SERPINF1: variants seen among roughly 807,000 people sequenced by gnomAD.
SERPINF1 encodes pigment epithelium-derived factor.
In SERPINF1, 29 loss-of-function variants were observed where a neutral mutation model predicts 37.3. That is an observed-to-expected ratio of 0.78 (90% CI 0.58 to 1.06). SERPINF1 has a LOEUF of 1.06. Among genes scored for constraint, SERPINF1 ranks in the 50% least tolerant of loss-of-function variants. The pLI is 0.00. For missense variants in SERPINF1, 553 were observed against 532.2 expected (o/e 1.04, Z -0.38); for synonymous variants, 281 against 227.9 (o/e 1.23, Z -2.10).
At chr17:1,775,226 G>T (rs765674241) in intron 6 of SERPINF1, 26 bp downstream of exon 6, 2 of 1,606,724 alleles carry the variant, frequency 1.2e-6, no homozygotes, top group Non-Finnish European at 1.7e-6. Flanking sequence ...GGCAGGGTGG[G>T]GGGTGGATGG....
chr17:1,773,804 G>A (rs1435447086), intron 5 of SERPINF1, among the ~76,000 whole-genome samples: 2 of 152,164 alleles, frequency 1.3e-5, no homozygotes, highest in Non-Finnish European at 2.9e-5. Context: ...TGTGGGGCCA[G>A]CCCTGTTCAG....
intron 5 of SERPINF1, among the ~76,000 whole-genome samples, chr17:1,773,952 C>CACT (rs1333679174): frequency 6.6e-6 from 1 of 152,202 alleles, no homozygotes; most frequent in Non-Finnish European, 1.5e-5. Flanking sequence ...CTACTTCAAG[C>CACT]ACTGATGTCT....
At chr17:1,766,526 A>T (rs1907376871) in intron 1 of SERPINF1, 1 of 152,112 alleles carries the variant, frequency 6.6e-6, no homozygotes, top group South Asian at 2.1e-4. Context: ...ACTGTACTCC[A>T]GCCTGGGCGA....
Position 1,771,020 on chromosome 17 carries a change from C to A in SERPINF1, c.284-9C>A. On this transcript the variant is annotated splice_polypyrimidine_tract_variant and intron_variant, in intron 3 of 7. Coordinates refer to ENST00000254722, the MANE Select transcript of SERPINF1 (RefSeq NM_002615.7). ...CAGTTATCAACGTCCACATCCTTGT[C>A]TCTGGCAGGAGCGGAGCAGCGAACA... 1 of 1,613,974 alleles carries A rather than the reference C, an allele frequency of 6.2e-7. No homozygotes were observed. Among genetic ancestry groups the A allele is most frequent in the South Asian group, 1.1e-5 (1 of 91,078 alleles).
intron 6 of SERPINF1, among the ~76,000 whole-genome samples, chr17:1,775,997 T>A (rs779243760): frequency 6.6e-6 from 1 of 152,172 alleles, no homozygotes; most frequent in Non-Finnish European, 1.5e-5. Context: ...CACACGTTTC[T>A]GTCAACGATT....
chr17:1,769,527 G>C, intron 2 of SERPINF1: 1 of 434,780 alleles, frequency 2.3e-6, no homozygotes, highest in South Asian at 2.2e-5. Context: ...GGGAGGCTAA[G>C]GCAGGAAAAT....
In SERPINF1 at chr17:1,777,476, A is replaced by G; in HGVS notation, c.*30A>G. ...CCAGTTTAATATTCCAATACCCTAG[A>G]AGAAAACCCGAGGGACAGCAGATTC... is the stretch of plus-strand genomic sequence containing the variant. On this transcript the variant is annotated 3_prime_UTR_variant, in exon 8 of 8. Transcript: ENST00000254722. 1 of 1,613,782 alleles carries G rather than the reference A, an allele frequency of 6.2e-7. No individual in the cohort carries two copies. Among genetic ancestry groups the G allele is most frequent in the Non-Finnish European group, 8.5e-7 (1 of 1,180,018 alleles).
In SERPINF1 at chr17:1,776,613, G is replaced by A. The variant is rs1471120392; in HGVS notation, c.868G>A (p.Glu290Lys). 6.2e-7 allele frequency: 1 copy of A among 1,613,924 alleles called. No individual in the cohort carries two copies. The part of the protein sequence containing the change: ...LKVTQNLTLI[E>K]ESLTSEFIHD... ...AGTGACCCAGAATTTGACCTTGATA[G>A]AGGAGAGCCTCACCTCCGAGTTCAT... is the stretch of plus-strand genomic sequence containing the variant. The change falls in exon 7 of 8, where the codon GAG becomes AAG. Residue 290 changes from glutamate to lysine, a missense_variant. Glu to Lys is a moderately conservative substitution (Grantham distance 56). Coordinates refer to ENST00000254722, the MANE Select transcript of SERPINF1 (RefSeq NM_002615.7).
chr17:1,776,748 T>C lies in SERPINF1; in HGVS notation c.997+6T>C. On this transcript the variant is annotated splice_donor_region_variant and intron_variant, in intron 7 of 7. Transcript: ENST00000254722. ...CAAGTCCCTGCAGGAGATGAGTATG[T>C]CTGAAGACCCTTTCGCTCTTGGTGG... 1 of 1,613,212 alleles carries C rather than the reference T, an allele frequency of 6.2e-7. No homozygotes were observed. The highest frequency in any genetic ancestry group is 8.5e-7 in the Non-Finnish European group (1 of 1,179,746).
intron 1 of SERPINF1, among the ~76,000 whole-genome samples, chr17:1,764,845 CTTT>C (rs11483374): frequency 2.9e-4 from 38 of 132,134 alleles, no homozygotes; most frequent in Middle Eastern, 7.8e-3. Context: ...TTTTTTTTTC[CTTT>C]TTTTTTTTTT....
At chr17:1,771,801 T>G in intron 4 of SERPINF1, 71 bp from the exon 5 acceptor site, 2 of 1,492,628 alleles carry the variant, frequency 1.3e-6, no homozygotes, top group Non-Finnish European at 1.8e-6. Flanking sequence ...AACCCGAGCC[T>G]GGCAGGCTCT....
At chr17:1,772,173 G>C in intron 5 of SERPINF1, 98 bp downstream of exon 5, 1 of 1,301,118 alleles carries the variant, frequency 7.7e-7, no homozygotes. Context: ...CTGGAGTGCA[G>C]TGGTGCGATC....
At chr17:1,768,295 G>A (rs1477235810) in intron 2 of SERPINF1, among the ~76,000 whole-genome samples, 1 of 151,830 alleles carries the variant, frequency 6.6e-6, no homozygotes, top group Non-Finnish European at 1.5e-5. Context: ...GCTGGGTGTG[G>A]TGGGGGGCGC....
At chr17:1,764,380 C>G (rs12450371) in intron 1 of SERPINF1, among the ~76,000 whole-genome samples, 1 of 152,030 alleles carries the variant, frequency 6.6e-6, no homozygotes, top group Non-Finnish European at 1.5e-5. Flanking sequence ...TGGCCCCAGC[C>G]GGGTGGAGAC....
In SERPINF1 at chr17:1,770,013, T is replaced by C; in HGVS notation, c.246T>C (p.Pro82=). The change falls in exon 3 of 8, where the codon CCT becomes CCC. Residue 82 remains proline (P), a synonymous_variant. Coordinates refer to ENST00000254722, the MANE Select transcript of SERPINF1 (RefSeq NM_002615.7). ...TSPTTNVLLS[P]LSVATALSAL... ...CCACGACCAACGTGCTCCTGTCTCC[T>C]CTCAGTGTGGCCACGGCCCTCTCGG... 7.4e-6 allele frequency: 12 copies of C among 1,614,152 alleles called. No homozygotes were observed. The highest frequency in any genetic ancestry group is 1.0e-5 in the Non-Finnish European group (12 of 1,180,008).
chr17:1,770,607 C>T (rs896233370), intron 3 of SERPINF1: 15 of 261,472 alleles, frequency 5.7e-5, no homozygotes, highest in Non-Finnish European at 1.0e-4. Flanking sequence ...TTACAGGCAC[C>T]TGCCATCATG....
At chr17:1,769,408 CAAAA>C (rs36107647) in intron 2 of SERPINF1, among the ~76,000 whole-genome samples, 3 of 120,594 alleles carry the variant, frequency 2.5e-5, no homozygotes, top group Non-Finnish European at 5.5e-5. Flanking sequence ...GACTCCGTCT[CAAAA>C]AAAAAAAAAA....
At position 1,766,785 on chromosome 17, in the gene SERPINF1, G is replaced by C. The variant is rs1282549962; in HGVS notation, c.-8-118G>C. 9.8e-5 allele frequency: 92 copies of C among 938,086 alleles called. 1 individual carries two copies. The highest frequency in any genetic ancestry group is 2.7e-5 in the Non-Finnish European group (16 of 598,488). The allele number at this position is 938,086 out of a possible 1,614,324, so 58.1% of individuals were successfully genotyped here. ...GTGAGGGGTGGTCGCTGCAGGGGGT[G>C]GGGGAAAGTGACTAGCCCTGCCCAA... On this transcript the variant is annotated intron_variant, in intron 1 of 7. Transcript: ENST00000254722.
chr17:1,763,352 T>G (rs551378899), intron 1 of SERPINF1, among the ~76,000 whole-genome samples: 1 of 152,300 alleles, frequency 6.6e-6, no homozygotes, highest in Non-Finnish European at 1.5e-5. Context: ...CTTCTGTGTT[T>G]CTTGATGTGG....
Sources: gnomAD v4.1 joint callset for allele counts (sites outside exome capture counted in the v4.1 genomes callset) on GRCh38, gnomAD v4.1.1 for gene constraint, MANE v1.5 for transcripts, NCBI Gene and HGNC (gene_info 2026-07-23, HGNC 2026-07-21) for gene names.